Variants in UBE2V2 observed in about 807,000 individuals in gnomAD.
UBE2V2 encodes the protein ubiquitin conjugating enzyme E2 V2.
Under a neutral mutation model 17.2 loss-of-function variants are expected in UBE2V2, and 9 were observed. The ratio of observed to expected loss-of-function variants is 0.52; its 90% CI spans 0.32 to 0.91. The LOEUF (loss-of-function observed/expected upper bound fraction) is 0.91, where lower values mean the gene tolerates loss of function less well. Among genes scored for constraint, UBE2V2 ranks in the 40% least tolerant of loss-of-function variants. The pLI, the probability that UBE2V2 is intolerant of heterozygous loss-of-function variation, is 0.04. For missense variants in UBE2V2, 133 were observed against 182.6 expected (o/e 0.73, Z 1.56); for synonymous variants, 61 against 57.5 (o/e 1.06, Z -0.28).
chr8:48,038,860 G>A (rs1163575914), intron 1 of UBE2V2, among the ~76,000 whole-genome samples: 3 of 151,638 alleles, frequency 2.0e-5, no homozygotes, highest in Non-Finnish European at 2.9e-5. Context: ...CAAGTGATTT[G>A]CCCATCTCAG....
At chr8:48,050,812 G>GT (rs2091531947) in intron 3 of UBE2V2, among the ~76,000 whole-genome samples, 2 of 152,054 alleles carry the variant, frequency 1.3e-5, no homozygotes. Flanking sequence ...TTCATGAAGG[G>GT]TTTTTTTCTT....
At chr8:48,013,520 G>A (rs542735340) in intron 1 of UBE2V2, among the ~76,000 whole-genome samples, 4 of 151,162 alleles carry the variant, frequency 2.6e-5, no homozygotes, top group Non-Finnish European at 3.0e-5. Context: ...CGTGTTAGCC[G>A]GGATGGTCTC....
intron 1 of UBE2V2, among the ~76,000 whole-genome samples, chr8:48,010,196 A>G (rs1365406028): frequency 6.6e-6 from 1 of 151,452 alleles, no homozygotes; most frequent in Admixed American, 6.6e-5. Context: ...AATTATAAAG[A>G]TTACTGATAA....
chr8:48,008,515 C>T, intron 1 of UBE2V2, 45 bp downstream of exon 1: 4 of 1,547,830 alleles, frequency 2.6e-6, no homozygotes, highest in Non-Finnish European at 3.5e-6. Flanking sequence ...TCCGACCCGG[C>T]TCTGCCCCTC....
chr8:48,035,349 A>G (rs1315700047), intron 1 of UBE2V2, among the ~76,000 whole-genome samples: 3 of 151,606 alleles, frequency 2.0e-5, no homozygotes, highest in Non-Finnish European at 4.4e-5. Context: ...ACAAACTCCT[A>G]ACCTCAGGTG....
At chr8:48,055,514 T>C (rs1351840099) in intron 3 of UBE2V2, among the ~76,000 whole-genome samples, 1 of 152,062 alleles carries the variant, frequency 6.6e-6, no homozygotes, top group East Asian at 1.9e-4. Flanking sequence ...GTTTCTAAAA[T>C]AAATATCACT....
At chr8:48,044,436 A>C (rs886076720) in intron 2 of UBE2V2, among the ~76,000 whole-genome samples, 5 of 152,354 alleles carry the variant, frequency 3.3e-5, no homozygotes, top group Non-Finnish European at 5.9e-5. Flanking sequence ...GGTGTGAGCC[A>C]CTGCACCCAG....
At chr8:48,007,037 T>G (rs956871654), upstream of UBE2V2, among the ~76,000 whole-genome samples, 5 of 151,536 alleles carry the variant, frequency 3.3e-5, no homozygotes, top group African/African-American at 1.2e-4. Context: ...CCTGCCACCA[T>G]GCCTGGCTAA....
chr8:47,998,423 C>G, the UBE2V2 span, among the ~76,000 whole-genome samples: 68 of 152,048 alleles, frequency 4.5e-4, no homozygotes, highest in Middle Eastern at 3.4e-3. Flanking sequence ...TGTCAGGTGT[C>G]CCTGACACAG....
chr8:48,000,715 G>C, the UBE2V2 span, among the ~76,000 whole-genome samples: 3 of 151,666 alleles, frequency 2.0e-5, no homozygotes, highest in East Asian at 5.8e-4. Context: ...CCAGCTACTT[G>C]GGAGGCTGAG....
chr8:48,023,781 T>A (rs943147088), intron 1 of UBE2V2, among the ~76,000 whole-genome samples: 6 of 151,774 alleles, frequency 4.0e-5, no homozygotes, highest in African/African-American at 1.5e-4. Flanking sequence ...GAGGCTGAGG[T>A]GGGAGAATCA....
rs966679887 is a variant in UBE2V2, at chr8:48,062,519, C to G, written c.*1691C>G. The G allele has an allele frequency of 1.3e-5, 2 of 148,210 alleles. No homozygotes were observed. Among genetic ancestry groups the G allele is most frequent in the Non-Finnish European group, 3.0e-5 (2 of 67,614 alleles). The allele number at this position is 148,210 out of a possible 1,614,324, so 9.2% of individuals were successfully genotyped here. ...GGGCAGGAGAACTACTTGAAACTGGCAGACAGAGGTTGCAGTGCCGAGAGC... is the reference window on the plus strand; with the variant it reads ...GGGCAGGAGAACTACTTGAAACTGGGAGACAGAGGTTGCAGTGCCGAGAGC... On this transcript the variant is annotated 3_prime_UTR_variant, in exon 4 of 4. Coordinates refer to ENST00000523111, the MANE Select transcript of UBE2V2 (RefSeq NM_003350.3).
upstream of UBE2V2, chr8:48,008,295 C>T: frequency 1.2e-6 from 1 of 846,118 alleles, no homozygotes; most frequent in South Asian, 2.9e-5. Flanking sequence ...AGCAGCGAGG[C>T]CCCGCGACCC....
chr8:48,021,693 T>A (rs2091306960), intron 1 of UBE2V2, among the ~76,000 whole-genome samples: 1 of 149,612 alleles, frequency 6.7e-6, no homozygotes, highest in Non-Finnish European at 1.5e-5. Flanking sequence ...CGCCTGGCTC[T>A]CTTTTTTTTT....
upstream of UBE2V2, among the ~76,000 whole-genome samples, chr8:48,004,220 G>C (rs1310743229): frequency 6.6e-6 from 1 of 152,150 alleles, no homozygotes; most frequent in African/African-American, 2.4e-5. Context: ...CAATCAGTAA[G>C]GACATAATAA....
At chr8:48,043,213 ATACT>A (rs1238521682) in intron 2 of UBE2V2, 32 bp downstream of exon 2, 6 of 1,385,948 alleles carry the variant, frequency 4.3e-6, no homozygotes, top group Middle Eastern at 2.2e-4. Flanking sequence ...TTTTCTATTA[ATACT>A]TATTGTTAAA....
intron 1 of UBE2V2, among the ~76,000 whole-genome samples, chr8:48,033,151 C>T (rs1479470582): frequency 6.6e-6 from 1 of 151,970 alleles, no homozygotes; most frequent in Admixed American, 6.6e-5. Context: ...AACAACTTTA[C>T]AAGGCAAAAA....
At chr8:48,035,400 C>CA (rs934226274) in intron 1 of UBE2V2, among the ~76,000 whole-genome samples, 4 of 151,754 alleles carry the variant, frequency 2.6e-5, no homozygotes, top group African/African-American at 9.7e-5. Flanking sequence ...GGATTACAGG[C>CA]ATGAGCCACC....
At chr8:48,038,510 G>A (rs1020213500) in intron 1 of UBE2V2, among the ~76,000 whole-genome samples, 11 of 150,622 alleles carry the variant, frequency 7.3e-5, no homozygotes, top group African/African-American at 2.2e-4. Context: ...ACAGAGTTTC[G>A]CTCTGTCTCC....
Sources: gnomAD v4.1 joint callset for allele counts (sites outside exome capture counted in the v4.1 genomes callset) on GRCh38, gnomAD v4.1.1 for gene constraint, MANE v1.5 for transcripts, NCBI Gene and HGNC (gene_info 2026-07-23, HGNC 2026-07-21) for gene names.